Variants in TSPAN14 observed in about 807,000 individuals in gnomAD.
The protein encoded by TSPAN14 is tetraspanin 14.
Under a neutral mutation model 36.6 loss-of-function variants are expected in TSPAN14, and 16 were observed. That is an observed-to-expected ratio of 0.44 (90% CI 0.30 to 0.66). The LOEUF is 0.66. Among genes scored for constraint, TSPAN14 ranks in the 30% least tolerant of loss-of-function variants. The pLI, the probability that TSPAN14 is intolerant of heterozygous loss-of-function variation, is 0.12. For missense variants in TSPAN14, 231 were observed against 355.1 expected (o/e 0.65, Z 2.81); for synonymous variants, 139 against 143.8 (o/e 0.97, Z 0.24).
chr10:80,518,671 T>TG lies in TSPAN14; in HGVS notation c.*696dup, dbSNP rs1335263085. The TG allele has an allele frequency of 2.6e-5, 4 of 153,244 alleles. No individual in the cohort carries two copies. The East Asian group carries it at 7.7e-4, about 30-fold the overall frequency. 9.5% of individuals were successfully genotyped at this position (153,244 alleles called of 1,614,324 possible). A position where few individuals can be genotyped will look rare whatever the true frequency, so the allele number is the denominator to read the frequency against. ...CTGGCGCCGGAACTGCCTCTGGTCT[T>TG]GATAGCATTAAGCCCTGATGGCGCC... On this transcript the variant is annotated 3_prime_UTR_variant, in exon 9 of 9. Transcript: ENST00000429989.
At chr10:80,476,408 T>G (rs1211883094) in intron 1 of TSPAN14, among the ~76,000 whole-genome samples, 2 of 116,768 alleles carry the variant, frequency 1.7e-5, no homozygotes, top group African/African-American at 3.7e-5. Flanking sequence ...GTTGTTTTAC[T>G]GTTTTTTTTT....
intron 1 of TSPAN14, among the ~76,000 whole-genome samples, chr10:80,485,442 G>A (rs1391036198): frequency 6.6e-6 from 1 of 152,156 alleles, no homozygotes; most frequent in African/African-American, 2.4e-5. Context: ...TGGCTCAGGA[G>A]CGCTCAGTCC....
chr10:80,506,469 G>T (rs1840307636), intron 3 of TSPAN14, among the ~76,000 whole-genome samples: 1 of 152,312 alleles, frequency 6.6e-6, no homozygotes, highest in East Asian at 1.9e-4. Flanking sequence ...TGGAAGGGGG[G>T]CTGTGGTCTC....
chr10:80,480,608 T>C (rs1322072171), intron 1 of TSPAN14, among the ~76,000 whole-genome samples: 2 of 152,124 alleles, frequency 1.3e-5, no homozygotes, highest in Admixed American at 1.3e-4. Context: ...CCATAAAAAA[T>C]GATGAGTTCA....
intron 1 of TSPAN14, among the ~76,000 whole-genome samples, chr10:80,454,858 C>G (rs1363731530): frequency 1.3e-5 from 2 of 151,978 alleles, no homozygotes; most frequent in African/African-American, 2.4e-5. Flanking sequence ...TGGGGGTGGG[C>G]GTAGGCCGGG....
At chr10:80,476,790 G>A (rs1403678916) in intron 1 of TSPAN14, among the ~76,000 whole-genome samples, 1 of 151,918 alleles carries the variant, frequency 6.6e-6, no homozygotes, top group Non-Finnish European at 1.5e-5. Flanking sequence ...CTGAATCCAT[G>A]GATACAGAAC....
chr10:80,505,097 G>A (rs1044525583), intron 3 of TSPAN14, among the ~76,000 whole-genome samples: 4 of 152,308 alleles, frequency 2.6e-5, no homozygotes, highest in East Asian at 3.9e-4. Context: ...GGGAGCAAGC[G>A]GGCAGGTCCC....
intron 2 of TSPAN14, among the ~76,000 whole-genome samples, chr10:80,499,895 A>G (rs139267640): frequency 5.3e-4 from 76 of 143,510 alleles, no homozygotes; most frequent in Admixed American, 2.4e-3. Context: ...AGGTAATTCA[A>G]TTAGGTCATG....
At chr10:80,505,993 CCAGA>C (rs1256785611) in intron 3 of TSPAN14, among the ~76,000 whole-genome samples, 2 of 152,214 alleles carry the variant, frequency 1.3e-5, no homozygotes, top group Non-Finnish European at 1.5e-5. Flanking sequence ...CCAGCCAAAG[CCAGA>C]CAGAGACTCT....
At chr10:80,510,521 G>A (rs1840557555) in intron 5 of TSPAN14, among the ~76,000 whole-genome samples, 1 of 152,120 alleles carries the variant, frequency 6.6e-6, no homozygotes, top group Non-Finnish European at 1.5e-5. Context: ...CTAGGTTGCG[G>A]TTCATCCCTG....
intron 1 of TSPAN14, among the ~76,000 whole-genome samples, chr10:80,476,828 A>C (rs1331422026): frequency 6.6e-6 from 1 of 152,102 alleles, no homozygotes; most frequent in African/African-American, 2.4e-5. Context: ...GACTGTATTA[A>C]ATCTCACAAT....
intron 1 of TSPAN14, among the ~76,000 whole-genome samples, chr10:80,479,507 A>T (rs1394382112): frequency 6.6e-6 from 1 of 152,180 alleles, no homozygotes; most frequent in Non-Finnish European, 1.5e-5. Context: ...AGCTTTCTAC[A>T]TATGGCTAGC....
intron 2 of TSPAN14, among the ~76,000 whole-genome samples, chr10:80,500,114 G>A (rs922076998): frequency 4.6e-5 from 7 of 152,068 alleles, no homozygotes; most frequent in Admixed American, 4.6e-4. Context: ...GAGCTCTCAG[G>A]CAGATCACTT....
chr10:80,519,092 C>T (rs1841110064), exon 9 of TSPAN14: 1 of 152,764 alleles, frequency 6.5e-6, no homozygotes, highest in African/African-American at 2.4e-5. Flanking sequence ...GATGGCCAGC[C>T]TGAAACTGTT....
intron 1 of TSPAN14, among the ~76,000 whole-genome samples, chr10:80,476,035 T>A (rs1846861837): frequency 6.6e-6 from 1 of 152,208 alleles, no homozygotes; most frequent in African/African-American, 2.4e-5. Context: ...CATTTTTCCC[T>A]AAACTTTGAA....
chr10:80,509,450 C>T lies in TSPAN14; in HGVS notation c.429C>T (p.Leu143=), dbSNP rs774445224. ...GGGACGATATCGATCTGCAAAACCT[C>T]ATCGACTCCCTTCAGAAAGCTGTAA... is the stretch of plus-strand genomic sequence containing the variant. Residue 143 remains leucine (L), a synonymous_variant, in exon 5 of 9, where the codon CTC becomes CTT. Coordinates refer to ENST00000429989, the Ensembl canonical transcript of TSPAN14. This position sits in a 1 kb window ranked among gnomAD's most constrained non-coding sequence, Gnocchi z 4.7. The T allele has an allele frequency of 6.2e-6, 10 of 1,613,870 alleles. No homozygotes were observed. The African/African-American group carries it at 1.1e-4, about 17-fold the overall frequency.
intron 1 of TSPAN14, among the ~76,000 whole-genome samples, chr10:80,460,891 G>A (rs951045899): frequency 2.6e-5 from 4 of 152,186 alleles, no homozygotes; most frequent in African/African-American, 7.2e-5. Flanking sequence ...TGTGGTTCTC[G>A]CTCCCGCCTC....
At chr10:80,485,567 G>A in intron 1 of TSPAN14, 1 of 922,716 alleles carries the variant, frequency 1.1e-6, no homozygotes, top group Non-Finnish European at 1.3e-6. Context: ...TGTGGCTTAG[G>A]CTGGAGTCCT....
intron 2 of TSPAN14, among the ~76,000 whole-genome samples, chr10:80,497,633 C>T (rs534036727): frequency 2.9e-4 from 44 of 152,338 alleles, no homozygotes; most frequent in African/African-American, 1.0e-3. Flanking sequence ...GGTTCCCTCT[C>T]TCCTGGGGGT....
Sources: gnomAD v4.1 joint callset for allele counts (sites outside exome capture counted in the v4.1 genomes callset) on GRCh38, gnomAD v4.1.1 for gene constraint, Gnocchi (gnomAD v3.1) non-coding constraint, MANE v1.5 for transcripts, NCBI Gene and HGNC (gene_info 2026-07-23, HGNC 2026-07-21) for gene names.